DIAPH2: variants seen among roughly 807,000 people sequenced by gnomAD.
DIAPH2 encodes the protein diaphanous related formin 2, also known as protein diaphanous homolog 2.
Under a neutral mutation model 92.7 loss-of-function variants are expected in DIAPH2, and 35 were observed. That is an observed-to-expected ratio of 0.38 (90% CI 0.29 to 0.50). DIAPH2 has a LOEUF of 0.50. Among genes scored for constraint, DIAPH2 ranks in the 20% least tolerant of loss-of-function variants. The pLI is 0.94. For synonymous variants in DIAPH2, 301 were observed against 280.4 expected (o/e 1.07, Z -0.73); for missense variants, 701 against 819.5 (o/e 0.86, Z 1.77).
rs1431125250 is a variant in DIAPH2 at position 96,962,494 on chromosome X, CACATAT to C, written c.1936-2597_1936-2592del. ...ATATATATATACACACACACACACA[CACATAT>C]ATATATATATATATATATATATACC... On this transcript the variant is annotated intron_variant, in intron 16 of 26. Transcript: ENST00000324765. Among the ~76,000 whole-genome samples, 33 of 18,420 alleles carry C rather than the reference CACATAT, an allele frequency of 1.8e-3. 2 individuals carry two copies. The highest frequency in any genetic ancestry group is 0.018 in the Admixed American group (22 of 1,239). 16.0% of individuals were successfully genotyped at this position (18,420 alleles called of 115,157 possible).
intron 23 of DIAPH2, among the ~76,000 whole-genome samples, chrX:97,287,938 G>GT (rs2068557299): frequency 1.7e-5 from 1 of 60,603 alleles, no homozygotes; most frequent in Non-Finnish European, 2.7e-5. Flanking sequence ...GGGTAACAGA[G>GT]TGAGACTCTG....
Position 96,915,177 on chromosome X carries a change from T to G in DIAPH2, c.733-1261T>G, listed in dbSNP as rs189458898. ...TTTTTATTTTTGATGTGTCTCTATA[T>G]ATTAAAAACTACTTATAAACATTAA... On this transcript the variant is annotated intron_variant, in intron 7 of 26. Coordinates refer to ENST00000324765, the MANE Select transcript of DIAPH2 (RefSeq NM_006729.5). Among the ~76,000 whole-genome samples, 65 of 111,082 alleles carry G rather than the reference T, an allele frequency of 5.9e-4. 1 individual carries two copies. Among genetic ancestry groups the G allele is most frequent in the African/African-American group, 1.9e-3 (60 of 30,800 alleles).
intron 17 of DIAPH2, among the ~76,000 whole-genome samples, chrX:97,040,111 T>C (rs1178572511): frequency 9.0e-6 from 1 of 111,176 alleles, no homozygotes; most frequent in Non-Finnish European, 1.9e-5. Flanking sequence ...TGTGATTTAT[T>C]GTGTGGTTCT....
intron 26 of DIAPH2, among the ~76,000 whole-genome samples, chrX:97,590,474 C>T (rs765515620): frequency 8.9e-6 from 1 of 112,521 alleles, no homozygotes; most frequent in East Asian, 2.8e-4. Flanking sequence ...TCAGGCAGAT[C>T]ACAAACAACT....
At chrX:97,150,852 G>A (rs778489763) in intron 22 of DIAPH2, among the ~76,000 whole-genome samples, 11 of 111,821 alleles carry the variant, frequency 9.8e-5, no homozygotes, top group Non-Finnish European at 1.9e-4. Flanking sequence ...CTATAACACA[G>A]TGTCGGCATA....
intron 26 of DIAPH2, among the ~76,000 whole-genome samples, chrX:97,569,148 A>C (rs1569425932): frequency 8.9e-6 from 1 of 111,836 alleles, no homozygotes; most frequent in Non-Finnish European, 1.9e-5. Context: ...GAATGCTAAA[A>C]CACATACCAT....
At chrX:96,774,588 T>A (rs922744636) in intron 4 of DIAPH2, among the ~76,000 whole-genome samples, 13 of 111,834 alleles carry the variant, frequency 1.2e-4, no homozygotes, top group African/African-American at 4.2e-4. Flanking sequence ...GCAATTTAAA[T>A]GTGAGGAAAA....
intron 23 of DIAPH2, among the ~76,000 whole-genome samples, chrX:97,266,216 G>C (rs185118345): frequency 1.8e-5 from 2 of 111,882 alleles, no homozygotes; most frequent in Non-Finnish European, 3.8e-5. Context: ...ATCTAATGGC[G>C]AATAAGTCAT....
chrX:96,784,718 G>T (rs1237403398), intron 4 of DIAPH2, among the ~76,000 whole-genome samples: 1 of 112,555 alleles, frequency 8.9e-6, no homozygotes, highest in Non-Finnish European at 1.9e-5. Context: ...AAAGTTTGAA[G>T]AACAGTGAGG....
chrX:96,762,292 T>C (rs1361878383), intron 4 of DIAPH2, among the ~76,000 whole-genome samples: 1 of 111,363 alleles, frequency 9.0e-6, no homozygotes, highest in Non-Finnish European at 1.9e-5. Flanking sequence ...AGAAATTCTT[T>C]TATCACTTAT....
intron 19 of DIAPH2, chrX:97,081,829 GA>G (rs940022128): frequency 9.7e-5 from 7 of 72,524 alleles, no homozygotes; most frequent in Admixed American, 3.2e-4. Flanking sequence ...TCCAAAAAAA[GA>G]AAAAAAAAAT....
At chrX:97,387,128 G>A (rs1298242572) in intron 25 of DIAPH2, among the ~76,000 whole-genome samples, 1 of 111,331 alleles carries the variant, frequency 9.0e-6, no homozygotes, top group Non-Finnish European at 1.9e-5. Flanking sequence ...GCAGTGCCAT[G>A]ATCTCAGCTC....
rs1317387035 is a variant in DIAPH2, at chrX:96,965,119, C to A, written c.1962C>A (p.Asn654Lys). The A allele has an allele frequency of 8.4e-7, 1 of 1,194,210 alleles. No homozygotes were observed. Among genetic ancestry groups the A allele is most frequent in the Non-Finnish European group, 1.1e-6 (1 of 887,106 alleles). The change falls in exon 17 of 27, where the codon AAC becomes AAA. Residue 654 changes from asparagine to lysine, a missense_variant. By Grantham distance (94) the Asn-to-Lys change is moderately conservative. Transcript: ENST00000324765. ...TTGAACCCACAGAATTATCTGAGAA[C>A]TGTTTCTGGTTAAGAGTCAAAGAAG... ...SKIEPTELSENCFWLRVKEDK... is the reference protein window; with the variant it reads ...SKIEPTELSEKCFWLRVKEDK...
At position 96,721,548 on chromosome X, in the gene DIAPH2, T is replaced by G. The variant is rs191408604; in HGVS notation, c.133-14210T>G. On this transcript the variant is annotated intron_variant, in intron 1 of 26. Coordinates refer to ENST00000324765, the MANE Select transcript of DIAPH2 (RefSeq NM_006729.5). Reference sequence around the variant, plus strand: ...TATGTAAAGTGATCTAGGAGACACATGACCTTTGTGCTCCATAGCCCTTGC... The same window carrying G: ...TATGTAAAGTGATCTAGGAGACACAGGACCTTTGTGCTCCATAGCCCTTGC... 2.7e-5 allele frequency among the ~76,000 whole-genome samples: 3 copies of G among 112,482 alleles called. No homozygotes were observed. The East Asian group carries it at 8.4e-4, about 31-fold the overall frequency.
chrX:97,394,357 T>C (rs2069686389), intron 25 of DIAPH2, among the ~76,000 whole-genome samples: 1 of 111,913 alleles, frequency 8.9e-6, no homozygotes, highest in Non-Finnish European at 1.9e-5. Context: ...AAACAGTCTT[T>C]GGCCTAGCAA....
intron 26 of DIAPH2, among the ~76,000 whole-genome samples, chrX:97,558,142 A>C (rs537318310): frequency 4.5e-5 from 5 of 112,012 alleles, no homozygotes; most frequent in Non-Finnish European, 9.4e-5. Context: ...ACAAGGGCAC[A>C]TTCATGTCCT....
intron 26 of DIAPH2, among the ~76,000 whole-genome samples, chrX:97,470,866 T>C (rs1258495061): frequency 9.0e-6 from 1 of 110,761 alleles, no homozygotes; most frequent in Admixed American, 9.7e-5. Flanking sequence ...TCCACATATA[T>C]TATTTATTGA....
chrX:97,163,925 A>G (rs1354385747), intron 22 of DIAPH2, among the ~76,000 whole-genome samples: 1 of 112,211 alleles, frequency 8.9e-6, no homozygotes. Context: ...AGCTTTTCAC[A>G]TTAACTTATT....
chrX:96,839,794 T>C (rs1410389290), intron 4 of DIAPH2, among the ~76,000 whole-genome samples: 1 of 111,686 alleles, frequency 9.0e-6, no homozygotes, highest in Non-Finnish European at 1.9e-5. Context: ...CAGTCTTTTA[T>C]GTTTGGAATT....
Sources: gnomAD v4.1 joint callset for allele counts (sites outside exome capture counted in the v4.1 genomes callset) on GRCh38, gnomAD v4.1.1 for gene constraint, MANE v1.5 for transcripts, NCBI Gene and HGNC (gene_info 2026-07-23, HGNC 2026-07-21) for gene names.